Variants in COL21A1 observed in about 807,000 individuals in gnomAD.
The protein encoded by COL21A1 is collagen type XXI alpha 1 chain.
Under a neutral mutation model 137.9 loss-of-function variants are expected in COL21A1, and 149 were observed. The observed-to-expected ratio is 1.08, with a 90% CI of 0.95 to 1.24. COL21A1 has a LOEUF of 1.24. Among genes scored for constraint, COL21A1 ranks in the 50% most tolerant of loss-of-function variants. COL21A1 has a pLI of 0.00. For synonymous variants in COL21A1, 456 were observed against 391.5 expected (o/e 1.16, Z -1.95); for missense variants, 1,167 against 1,158.4 (o/e 1.01, Z -0.11).
intron 16 of COL21A1, among the ~76,000 whole-genome samples, chr6:56,116,826 GT>G (rs1771974465): frequency 6.6e-6 from 1 of 151,966 alleles, no homozygotes; most frequent in Non-Finnish European, 1.5e-5. Context: ...GTTAAGGCAA[GT>G]TTTTATTAGT....
At chr6:56,230,255 G>T (rs1015132746) in intron 1 of COL21A1, among the ~76,000 whole-genome samples, 1 of 151,840 alleles carries the variant, frequency 6.6e-6, no homozygotes, top group Non-Finnish European at 1.5e-5. Context: ...GTGAAAGGCT[G>T]GGGGAATCTT....
At chr6:56,135,488 C>T (rs1014479501) in intron 12 of COL21A1, among the ~76,000 whole-genome samples, 15 of 151,882 alleles carry the variant, frequency 9.9e-5, no homozygotes, top group Non-Finnish European at 1.9e-4. Context: ...GAAAGATATT[C>T]TCATATACTT....
intron 1 of COL21A1, among the ~76,000 whole-genome samples, chr6:56,188,482 G>A (rs552107442): frequency 1.3e-5 from 2 of 152,108 alleles, no homozygotes; most frequent in African/African-American, 2.4e-5. Context: ...AGGCAGCAGC[G>A]CCAGTCAGGA....
At chr6:56,101,753 G>A (rs1365512233) in intron 16 of COL21A1, among the ~76,000 whole-genome samples, 1 of 152,102 alleles carries the variant, frequency 6.6e-6, no homozygotes, top group East Asian at 1.9e-4. Context: ...AGATAATTAA[G>A]TTATTAAATA....
chr6:56,192,658 A>C (rs1218848788), intron 1 of COL21A1, among the ~76,000 whole-genome samples: 3 of 152,224 alleles, frequency 2.0e-5, no homozygotes, highest in Non-Finnish European at 2.9e-5. Context: ...GCCAGTTAGA[A>C]TGACAATCAT....
intron 6 of COL21A1, among the ~76,000 whole-genome samples, chr6:56,167,231 G>C (rs1561938528): frequency 6.6e-6 from 1 of 152,168 alleles, no homozygotes; most frequent in Non-Finnish European, 1.5e-5. Flanking sequence ...AACTCAGTGA[G>C]GCTTTTTTAG....
At chr6:56,229,640 C>T (rs1465068135) in intron 1 of COL21A1, among the ~76,000 whole-genome samples, 1 of 151,862 alleles carries the variant, frequency 6.6e-6, no homozygotes, top group East Asian at 1.9e-4. Flanking sequence ...CTCCACATTC[C>T]TCATTTTAGG....
chr6:56,219,673 G>A (rs990278567), intron 1 of COL21A1, among the ~76,000 whole-genome samples: 5 of 152,074 alleles, frequency 3.3e-5, no homozygotes, highest in Non-Finnish European at 7.4e-5. Flanking sequence ...ATATCCTGAC[G>A]ATGGATGTGA....
intron 10 of COL21A1, among the ~76,000 whole-genome samples, chr6:56,150,576 G>A (rs6933466): frequency 6.8e-6 from 1 of 147,504 alleles, no homozygotes; most frequent in Non-Finnish European, 1.5e-5. Context: ...AAGAGTGGGG[G>A]GAACTGAATC....
At chr6:56,060,291 T>C in intron 27 of COL21A1, 73 bp from the exon 28 acceptor site, 1 of 1,298,902 alleles carries the variant, frequency 7.7e-7, no homozygotes, top group Non-Finnish European at 1.0e-6. Flanking sequence ...TTTAATTTTT[T>C]TCAGTTTACA....
chr6:56,174,657 A>T (rs1777317183), intron 3 of COL21A1, among the ~76,000 whole-genome samples: 1 of 152,086 alleles, frequency 6.6e-6, no homozygotes. Flanking sequence ...AAAGGAAATT[A>T]AATCAGTAAT....
At chr6:56,101,587 A>AG in intron 16 of COL21A1, 62 bp from the exon 17 acceptor site, 1 of 1,088,886 alleles carries the variant, frequency 9.2e-7, no homozygotes, top group Non-Finnish European at 1.4e-6. Context: ...TACCAAAATA[A>AG]CAATATATAA....
intron 1 of COL21A1, among the ~76,000 whole-genome samples, chr6:56,365,837 CCAAGCCTGTTTTCCTTT>C (rs1458712309): frequency 2.6e-5 from 4 of 152,152 alleles, no homozygotes; most frequent in African/African-American, 9.7e-5. Flanking sequence ...CCACTTCTTT[CCAAGCCTGTTTTCCTTT>C]CACTATAGCC....
intron 1 of COL21A1, among the ~76,000 whole-genome samples, chr6:56,228,684 TG>T (rs1429709746): frequency 2.0e-5 from 3 of 151,530 alleles, no homozygotes; most frequent in Non-Finnish European, 4.4e-5. Flanking sequence ...ATTTGAGTAA[TG>T]GGGAGATGCA....
intron 17 of COL21A1, among the ~76,000 whole-genome samples, chr6:56,083,193 A>G (rs1051065442): frequency 3.9e-5 from 6 of 151,956 alleles, no homozygotes; most frequent in Non-Finnish European, 7.4e-5. Context: ...TCTCGGAAAG[A>G]ATCTGCTTCC....
intron 16 of COL21A1, among the ~76,000 whole-genome samples, chr6:56,114,306 G>T (rs1561878516): frequency 2.0e-5 from 3 of 152,210 alleles, no homozygotes; most frequent in Admixed American, 6.5e-5. Flanking sequence ...CATAGTGGTG[G>T]TGGTTACAGG....
intron 1 of COL21A1, among the ~76,000 whole-genome samples, chr6:56,290,498 G>GTTTTTTTTTTTTTTTTTTTT (rs371058894): frequency 1.5e-5 from 2 of 132,960 alleles, no homozygotes; most frequent in African/African-American, 2.9e-5. Flanking sequence ...TCACTTAGGA[G>GTTTTTTTTTTTTTTTTTTTT]ATTTTTTTTT....
At chr6:56,103,674 G>T (rs1770639778) in intron 16 of COL21A1, among the ~76,000 whole-genome samples, 1 of 152,026 alleles carries the variant, frequency 6.6e-6, no homozygotes, top group Non-Finnish European at 1.5e-5. Context: ...AATTATTTGA[G>T]GATTTAACTT....
At chr6:56,362,055 T>C (rs1184193695) in intron 1 of COL21A1, among the ~76,000 whole-genome samples, 7 of 152,160 alleles carry the variant, frequency 4.6e-5, no homozygotes, top group Non-Finnish European at 1.0e-4. Context: ...CGCTTGCCCC[T>C]GGAAACCCTT....
Sources: allele counts gnomAD v4.1 joint callset (sites outside exome capture counted in the v4.1 genomes callset), GRCh38; gene constraint gnomAD v4.1.1; transcripts MANE v1.5; gene names NCBI Gene and HGNC (gene_info 2026-07-23, HGNC 2026-07-21).